PDE1A: variants seen among roughly 807,000 people sequenced by gnomAD.
PDE1A encodes dual specificity calcium/calmodulin-dependent 3',5'-cyclic nucleotide phosphodiesterase 1A.
Under a neutral mutation model 61.7 loss-of-function variants are expected in PDE1A, and 35 were observed. The observed-to-expected ratio is 0.57, with a 90% CI of 0.43 to 0.75. The LOEUF (loss-of-function observed/expected upper bound fraction) is 0.75, where lower values mean the gene tolerates loss of function less well. Ranked by LOEUF, PDE1A falls within the 30% of genes least tolerant of loss-of-function variation. The pLI, the probability that PDE1A is intolerant of heterozygous loss-of-function variation, is 0.00. For missense variants in PDE1A, 597 were observed against 630.6 expected (o/e 0.95, Z 0.57); for synonymous variants, 232 against 213.2 (o/e 1.09, Z -0.77).
intron 2 of PDE1A, among the ~76,000 whole-genome samples, chr2:182,447,142 A>AC (rs1378412525): frequency 8.4e-6 from 1 of 119,476 alleles, no homozygotes. Context: ...CACACACACA[A>AC]ACACACATAC....
At chr2:182,191,885 C>T (rs906970180) in intron 10 of PDE1A, among the ~76,000 whole-genome samples, 1 of 148,888 alleles carries the variant, frequency 6.7e-6, no homozygotes, top group East Asian at 2.0e-4. Context: ...GAGACAGTTT[C>T]GCTCTTGTTG....
the PDE1A span, among the ~76,000 whole-genome samples, chr2:182,626,402 A>G: frequency 6.6e-6 from 1 of 152,206 alleles, no homozygotes; most frequent in East Asian, 1.9e-4. Flanking sequence ...TTTTTTAAAA[A>G]AGCCCAAGGA....
chr2:182,412,782 T>A (rs1481989705), intron 1 of PDE1A, among the ~76,000 whole-genome samples: 8 of 152,234 alleles, frequency 5.3e-5, no homozygotes, highest in Admixed American at 5.2e-4. Context: ...TCTATGGATA[T>A]GACAGGGTCT....
At chr2:182,630,991 GTA>G in the PDE1A span, among the ~76,000 whole-genome samples, 1 of 151,694 alleles carries the variant, frequency 6.6e-6, no homozygotes, top group Non-Finnish European at 1.5e-5. Context: ...TACGTTGTGT[GTA>G]TATATATATG....
the PDE1A span, among the ~76,000 whole-genome samples, chr2:182,615,417 A>G: frequency 5.9e-5 from 9 of 152,340 alleles, 2 homozygotes; most frequent in African/African-American, 2.2e-4. Context: ...TTAGAACAAT[A>G]CAATTAAAAT....
the PDE1A span, among the ~76,000 whole-genome samples, chr2:182,549,265 TAA>T: frequency 2.6e-5 from 4 of 152,138 alleles, no homozygotes; most frequent in African/African-American, 9.7e-5. Flanking sequence ...AAGATAAAGT[TAA>T]AGTCTACTTT....
chr2:182,620,412 T>C, the PDE1A span, among the ~76,000 whole-genome samples: 2 of 152,222 alleles, frequency 1.3e-5, no homozygotes, highest in Admixed American at 1.3e-4. Flanking sequence ...TGTCCAGATA[T>C]ATGTGTGGAA....
At chr2:182,340,079 T>C (rs1209194579) in intron 1 of PDE1A, among the ~76,000 whole-genome samples, 1 of 152,140 alleles carries the variant, frequency 6.6e-6, no homozygotes, top group Non-Finnish European at 1.5e-5. Context: ...TTTATGGGGA[T>C]TGTTGAATTA....
chr2:182,559,563 A>G, the PDE1A span, among the ~76,000 whole-genome samples: 1 of 152,176 alleles, frequency 6.6e-6, no homozygotes, highest in Non-Finnish European at 1.5e-5. Flanking sequence ...TTTGAAAACT[A>G]CTTTACGGTA....
chr2:182,266,461 T>A (rs1692640181), intron 1 of PDE1A, among the ~76,000 whole-genome samples: 1 of 152,210 alleles, frequency 6.6e-6, no homozygotes, highest in Admixed American at 6.5e-5. Flanking sequence ...CTTAGAAATA[T>A]ACTATCATAT....
intron 1 of PDE1A, among the ~76,000 whole-genome samples, chr2:182,290,866 C>G (rs1396214547): frequency 1.3e-5 from 2 of 151,950 alleles, no homozygotes; most frequent in African/African-American, 4.8e-5. Flanking sequence ...ATAACCCCAG[C>G]TGGAGCTCAT....
Position 182,180,173 on chromosome 2 carries a change from C to T in PDE1A, c.1516+5719G>A, listed in dbSNP as rs1046245107. On this transcript the variant is annotated intron_variant, in intron 13 of 13. Transcript: ENST00000351439. ...AAATTGATCACTATGTTAGTAGATG[C>T]ATTTTAATAGCTTATCATTGTTTCA... is the stretch of plus-strand genomic sequence containing the variant. 2.0e-5 allele frequency among the ~76,000 whole-genome samples: 3 copies of T among 152,090 alleles called. No homozygotes were observed. The South Asian group carries it at 6.2e-4, about 32-fold the overall frequency.
chr2:182,154,609 G>A (rs540554301), intron 13 of PDE1A, among the ~76,000 whole-genome samples: 3 of 152,218 alleles, frequency 2.0e-5, no homozygotes, highest in South Asian at 2.1e-4. Context: ...GAGGTCTCCT[G>A]CTTCTTGCCT....
In PDE1A at chr2:182,257,453, T is replaced by C. The variant is rs1288850378; in HGVS notation, c.167+6848A>G. On this transcript the variant is annotated intron_variant, in intron 2 of 13. Coordinates refer to ENST00000351439, the Ensembl canonical transcript of PDE1A. Reference sequence around the variant, plus strand: ...TAAAAAATACTTTGAATAGGTCTTTTAGTTACACTAAAAAAAGTAAGGGCT... The same window carrying C: ...TAAAAAATACTTTGAATAGGTCTTTCAGTTACACTAAAAAAAGTAAGGGCT... Among the ~76,000 whole-genome samples the C allele has an allele frequency of 2.1e-4, 32 of 152,226 alleles. 1 individual carries two copies.
chr2:182,704,913 TC>T, the PDE1A span, among the ~76,000 whole-genome samples: 1 of 152,240 alleles, frequency 6.6e-6, no homozygotes, highest in South Asian at 2.1e-4. Context: ...AGTCCCTAGA[TC>T]GTACTCTATG....
intron 4 of PDE1A, among the ~76,000 whole-genome samples, chr2:182,231,914 C>T (rs1202222682): frequency 6.6e-6 from 1 of 151,528 alleles, no homozygotes; most frequent in Non-Finnish European, 1.5e-5. Flanking sequence ...GACTCCATCT[C>T]CAAAAAGAAA....
rs1215968212 is a variant in PDE1A at position 182,286,108 on chromosome 2, A to C, written c.54-21694T>G. Among the ~76,000 whole-genome samples, 2 of 152,164 alleles carry C rather than the reference A, an allele frequency of 1.3e-5. 1 individual carries two copies. On this transcript the variant is annotated intron_variant, in intron 1 of 13. Coordinates refer to ENST00000351439, the Ensembl canonical transcript of PDE1A. ...GTATGAGCCCAATTAATGCTAATTTAAGCAAAGAATGTTTTCCTTATTTCC... is the reference window on the plus strand; with the variant it reads ...GTATGAGCCCAATTAATGCTAATTTCAGCAAAGAATGTTTTCCTTATTTCC...
intron 13 of PDE1A, among the ~76,000 whole-genome samples, chr2:182,173,170 T>C (rs1692401181): frequency 6.6e-6 from 1 of 152,018 alleles, no homozygotes. Flanking sequence ...GTTGCACTGA[T>C]TTAAATGCAC....
In PDE1A at chr2:182,291,416, T is replaced by A. The variant is rs141447477; in HGVS notation, c.54-27002A>T. Among the ~76,000 whole-genome samples, 1,103 of 152,322 alleles carry A rather than the reference T, an allele frequency of 7.2e-3. 9 individuals are homozygous for A. The highest frequency in any genetic ancestry group is 0.013 in the South Asian group (62 of 4,830). On this transcript the variant is annotated intron_variant, in intron 1 of 13. Coordinates refer to ENST00000351439, the Ensembl canonical transcript of PDE1A. ...CTACTGATGCAGGGTTAATCACCCC[T>A]TCTGGTAACAGTATTGCACGTAGTG...
Sources: gnomAD v4.1 joint callset for allele counts (sites outside exome capture counted in the v4.1 genomes callset) on GRCh38, gnomAD v4.1.1 for gene constraint, MANE v1.5 for transcripts, NCBI Gene and HGNC (gene_info 2026-07-23, HGNC 2026-07-21) for gene names.